Variants in PEAK1 observed in about 807,000 individuals in gnomAD.
PEAK1 encodes pseudopodium enriched atypical kinase 1.
PEAK1 carries 54 observed loss-of-function variants against 124.7 expected under a neutral mutation model. The observed-to-expected ratio is 0.43, with a 90% confidence interval of 0.35 to 0.54. The LOEUF is 0.54. Among genes scored for constraint, PEAK1 ranks in the 20% least tolerant of loss-of-function variants. PEAK1 has a pLI of 0.01. For missense variants in PEAK1, 2,046 were observed against 2,134.5 expected (o/e 0.96, Z 0.82); for synonymous variants, 719 against 760.0 (o/e 0.95, Z 0.89).
At chr15:77,121,805 C>A (rs532200076) in intron 9 of PEAK1, among the ~76,000 whole-genome samples, 6 of 152,058 alleles carry the variant, frequency 3.9e-5, no homozygotes, top group South Asian at 2.1e-4. Context: ...CCTCAGTGAA[C>A]CTTAAGTGAG....
chr15:77,124,041 C>T (rs62007255), intron 9 of PEAK1, among the ~76,000 whole-genome samples: 4,566 of 152,316 alleles, frequency 0.03, 89 homozygotes, highest in Non-Finnish European at 0.046. Context: ...TCTTCCTATT[C>T]GCTCTTTAAC....
chr15:77,139,664 C>G (rs1268895304), intron 8 of PEAK1, among the ~76,000 whole-genome samples: 1 of 152,074 alleles, frequency 6.6e-6, no homozygotes, highest in Non-Finnish European at 1.5e-5. Context: ...CTACTTTCTT[C>G]AAGAATATCT....
At chr15:77,182,304 C>A (rs2057315629) in intron 6 of PEAK1, among the ~76,000 whole-genome samples, 1 of 152,086 alleles carries the variant, frequency 6.6e-6, no homozygotes, top group Non-Finnish European at 1.5e-5. Context: ...GATTCTGTGA[C>A]CTTCCCTCCC....
chr15:77,286,465 C>A lies in PEAK1; in HGVS notation c.-563G>T. Reference sequence around the variant, plus strand: ...AACTCTGGGCATTATGTTGTTGCTTCCTTTTCTTTCCTTACAAATGGATCT... The same window carrying A: ...AACTCTGGGCATTATGTTGTTGCTTACTTTTCTTTCCTTACAAATGGATCT... On this transcript the variant is annotated 5_prime_UTR_variant, in exon 3 of 10. Transcript: ENST00000682557. 1 of 1,229,974 alleles carries A rather than the reference C, an allele frequency of 8.1e-7. No homozygotes were observed. The highest frequency in any genetic ancestry group is 1.0e-6 in the Non-Finnish European group (1 of 986,598). 76.2% of individuals were successfully genotyped at this position (1,229,974 alleles called of 1,614,324 possible).
intron 6 of PEAK1, among the ~76,000 whole-genome samples, chr15:77,242,948 A>C (rs1268495741): frequency 1.3e-5 from 2 of 152,232 alleles, no homozygotes; most frequent in Non-Finnish European, 2.9e-5. Context: ...TTAAATAAGA[A>C]ACTATCAAAC....
intron 9 of PEAK1, among the ~76,000 whole-genome samples, chr15:77,130,013 T>C (rs2052722932): frequency 6.6e-6 from 1 of 152,190 alleles, no homozygotes; most frequent in African/African-American, 2.4e-5. Flanking sequence ...TAGCATTTAG[T>C]GTAAAATATC....
At chr15:77,226,044 G>GATATATATAAT (rs57675196) in intron 6 of PEAK1, among the ~76,000 whole-genome samples, 1,340 of 44,766 alleles carry the variant, frequency 0.03, 53 homozygotes, top group Non-Finnish European at 0.046. Flanking sequence ...AAAATAAAGG[G>GATATATATAAT]ATATATATAT....
intron 8 of PEAK1, chr15:77,156,323 G>C (rs1478924459): frequency 6.6e-6 from 1 of 152,488 alleles, no homozygotes; most frequent in Non-Finnish European, 1.5e-5. Flanking sequence ...ATAATCTCCT[G>C]GTGTGCCGTT....
At chr15:77,153,462 G>T (rs2054840709) in intron 8 of PEAK1, among the ~76,000 whole-genome samples, 1 of 151,990 alleles carries the variant, frequency 6.6e-6, no homozygotes, top group Non-Finnish European at 1.5e-5. Context: ...TTTTTTGAAG[G>T]GTTTTTTGTG....
rs555008418 is a variant in PEAK1, at chr15:77,135,748, CTCTT to C, written c.3332-2002_3332-1999del. Among the ~76,000 whole-genome samples the C allele has an allele frequency of 7.9e-5, 12 of 152,334 alleles. No individual in the cohort carries two copies. The South Asian group carries it at 2.1e-3, about 26-fold the overall frequency. Reference sequence around the variant, plus strand: ...AGGAGTTCCCCTGCACACGTTCTCTCTCTTTGCCTGCTGCCATCCACATACGATG... The same window carrying C: ...AGGAGTTCCCCTGCACACGTTCTCTCTGCCTGCTGCCATCCACATACGATG... On this transcript the variant is annotated intron_variant, in intron 8 of 9. Transcript: ENST00000682557.
At position 77,406,726 on chromosome 15, in the gene PEAK1, T is replaced by A. The variant is rs542468561; in HGVS notation, c.-666+13280A>T. ...TGCCAAAAGCAATCAACAAATTCAA[T>A]GCAATTTCCATCAAAATACCACCAT... On this transcript the variant is annotated intron_variant, in intron 1 of 9. Transcript: ENST00000682557. Among the ~76,000 whole-genome samples the A allele has an allele frequency of 2.6e-5, 4 of 152,194 alleles. No homozygotes were observed. In the South Asian group the frequency reaches 8.3e-4, roughly 32 times the overall value.
intron 2 of PEAK1, among the ~76,000 whole-genome samples, chr15:77,287,838 C>T (rs919229659): frequency 6.6e-6 from 1 of 152,164 alleles, no homozygotes; most frequent in African/African-American, 2.4e-5. Flanking sequence ...AGAACAACAG[C>T]CCCTTAACTT....
chr15:77,227,115 A>C (rs1014417019), intron 6 of PEAK1, among the ~76,000 whole-genome samples: 6 of 152,240 alleles, frequency 3.9e-5, no homozygotes, highest in African/African-American at 1.4e-4. Flanking sequence ...CAAACATCTG[A>C]AACAGTTCAG....
In PEAK1 at chr15:77,114,995, A is replaced by G. The variant is rs763300370; in HGVS notation, c.4402T>C (p.Cys1468Arg). The G allele has an allele frequency of 8.1e-6, 13 of 1,614,010 alleles. No homozygotes were observed. The East Asian group carries it at 2.7e-4, about 33-fold the overall frequency. ...HVVVITREVPCLTVADFVRDS... is the reference protein window; with the variant it reads ...HVVVITREVPRLTVADFVRDS... ...CGCACAAAATCAGCCACAGTAAGACATGGAACCTCCCTGGTGATGACCACA... is the reference window on the plus strand; with the variant it reads ...CGCACAAAATCAGCCACAGTAAGACGTGGAACCTCCCTGGTGATGACCACA... Residue 1468 changes from cysteine to arginine, a missense_variant, in exon 10 of 10, where the codon TGT becomes CGT. Cys to Arg is a radical substitution (Grantham distance 180). Coordinates refer to ENST00000682557, the MANE Select transcript of PEAK1 (RefSeq NM_001385026.1).
intron 5 of PEAK1, among the ~76,000 whole-genome samples, chr15:77,264,826 G>T (rs956233649): frequency 2.4e-4 from 36 of 151,842 alleles, no homozygotes; most frequent in Non-Finnish European, 5.2e-4. Context: ...AACAAAGCTG[G>T]AGGCATCACA....
At position 77,319,246 on chromosome 15, in the gene PEAK1, T is replaced by G. The variant is rs1409919830; in HGVS notation, c.-602-32742A>C. On this transcript the variant is annotated intron_variant, in intron 2 of 9. Coordinates refer to ENST00000682557, the MANE Select transcript of PEAK1 (RefSeq NM_001385026.1). ...AAGGTAAGAAATAATTTGCCCCAAA[T>G]GTAGTTTAAAAAAAAAAAAAAGCGT... is the stretch of plus-strand genomic sequence containing the variant. Among the ~76,000 whole-genome samples the G allele has an allele frequency of 2.0e-5, 3 of 150,676 alleles. No individual in the cohort carries two copies. In the East Asian group the frequency reaches 5.8e-4, roughly 29 times the overall value.
intron 5 of PEAK1, among the ~76,000 whole-genome samples, chr15:77,267,026 T>G (rs1299002514): frequency 6.6e-6 from 1 of 152,100 alleles, no homozygotes; most frequent in Non-Finnish European, 1.5e-5. Flanking sequence ...GACCAGCCTT[T>G]TGGGCAGTGG....
intron 7 of PEAK1, among the ~76,000 whole-genome samples, chr15:77,166,341 G>A (rs1567054117): frequency 6.6e-6 from 1 of 152,240 alleles, no homozygotes; most frequent in East Asian, 1.9e-4. Flanking sequence ...AATAATAGTG[G>A]CCAAAATTTA....
intron 2 of PEAK1, chr15:77,352,275 C>A: frequency 1.0e-6 from 1 of 985,346 alleles, no homozygotes; most frequent in South Asian, 4.7e-5. Context: ...CCTAGCCATA[C>A]CTCTCCCCCA....
Sources: gnomAD v4.1 joint callset for allele counts (sites outside exome capture counted in the v4.1 genomes callset) on GRCh38, gnomAD v4.1.1 for gene constraint, MANE v1.5 for transcripts, NCBI Gene and HGNC (gene_info 2026-07-23, HGNC 2026-07-21) for gene names.